DNAH5: variants seen among roughly 807,000 people sequenced by gnomAD.
DNAH5 encodes axonemal beta dynein heavy chain 5.
Under a neutral mutation model 518.2 loss-of-function variants are expected in DNAH5, and 372 were observed. The observed-to-expected ratio is 0.72, with a 90% CI of 0.66 to 0.78. The LOEUF is 0.78. DNAH5 is among the 30% of genes least tolerant of loss of function. The pLI, the probability that DNAH5 is intolerant of heterozygous loss-of-function variation, is 0.00. For synonymous variants in DNAH5, 2,039 were observed against 2,025.9 expected (o/e 1.01, Z -0.17); for missense variants, 5,523 against 5,687.0 (o/e 0.97, Z 0.93).
chr5:13,938,467 A>T (rs1823046), intron 1 of DNAH5, among the ~76,000 whole-genome samples: 1 of 151,362 alleles, frequency 6.6e-6, no homozygotes, highest in East Asian at 1.9e-4. Flanking sequence ...TTTTATTATT[A>T]TTGTTGTTGT....
rs527760355 is a variant in DNAH5 at position 13,839,095 on chromosome 5, T to C, written c.5882+261A>G. Among the ~76,000 whole-genome samples, 4 of 152,320 alleles carry C rather than the reference T, an allele frequency of 2.6e-5. No homozygotes were observed. The South Asian group carries it at 8.3e-4, about 32-fold the overall frequency. ...TGACAACACACAAAAATTAATTCCCTTTCTTGCCCATTCTCTGTCCACACA... is the reference window on the plus strand; with the variant it reads ...TGACAACACACAAAAATTAATTCCCCTTCTTGCCCATTCTCTGTCCACACA... On this transcript the variant is annotated intron_variant, in intron 35 of 78. Coordinates refer to ENST00000265104, the MANE Select transcript of DNAH5 (RefSeq NM_001369.3).
At chr5:13,980,986 C>A (rs984825599) in intron 1 of DNAH5, among the ~76,000 whole-genome samples, 1 of 152,224 alleles carries the variant, frequency 6.6e-6, no homozygotes, top group African/African-American at 2.4e-5. Flanking sequence ...TGCTCAAATG[C>A]TCCCTTACCA....
At chr5:13,813,457 G>GAAAA (rs374318289) in intron 43 of DNAH5, among the ~76,000 whole-genome samples, 4 of 136,760 alleles carry the variant, frequency 2.9e-5, no homozygotes, top group Non-Finnish European at 4.7e-5. Context: ...GCACTTAAAA[G>GAAAA]AAAAAAAAAA....
At chr5:13,758,232 C>G (rs567789712) in intron 61 of DNAH5, among the ~76,000 whole-genome samples, 1 of 152,226 alleles carries the variant, frequency 6.6e-6, no homozygotes, top group South Asian at 2.1e-4. Context: ...ACTAGGGTGC[C>G]TTGGCTCACA....
chr5:13,819,536 T>A lies in DNAH5; in HGVS notation c.6841+810A>T, dbSNP rs1049069556. ...GCCTGAAAGCCCACCCAGGTACCTC[T>A]TTGCTGGATGGGCTTTCAGTCAGCT... On this transcript the variant is annotated intron_variant, in intron 41 of 78. Transcript: ENST00000265104. 9.2e-5 allele frequency among the ~76,000 whole-genome samples: 14 copies of A among 152,162 alleles called. No homozygotes were observed. The East Asian group carries it at 2.7e-3, about 30-fold the overall frequency.
rs1554018591 is a variant in DNAH5, at chr5:13,713,107, G to GTATA, written c.13125+1294_13125+1297dup. On this transcript the variant is annotated intron_variant, in intron 75 of 78. Coordinates refer to ENST00000265104, the MANE Select transcript of DNAH5 (RefSeq NM_001369.3). ...TATAAAGAAACTGTGGTGTGTGTGT[G>GTATA]TATATATATATATATATACACACAC... is the stretch of plus-strand genomic sequence containing the variant. Among the ~76,000 whole-genome samples the GTATA allele has an allele frequency of 3.7e-4, 52 of 139,944 alleles. 1 individual carries two copies. The highest frequency in any genetic ancestry group is 2.3e-3 in the East Asian group (11 of 4,790). The allele number at this position is 139,944 out of a possible 152,430, so 91.8% of individuals were successfully genotyped here.
chr5:13,894,278 C>T (rs2151952960), intron 16 of DNAH5, among the ~76,000 whole-genome samples: 2 of 152,134 alleles, frequency 1.3e-5, no homozygotes, highest in South Asian at 4.2e-4. Context: ...TAAATTTTTC[C>T]CATTTATCCT....
intron 1 of DNAH5, among the ~76,000 whole-genome samples, chr5:14,011,204 A>G (rs889566818): frequency 3.3e-5 from 5 of 152,200 alleles, no homozygotes; most frequent in African/African-American, 9.7e-5. Context: ...CCAAGGGCTA[A>G]TGAGAGCTGG....
intron 65 of DNAH5, among the ~76,000 whole-genome samples, chr5:13,742,795 A>G (rs1351772576): frequency 1.3e-5 from 2 of 152,238 alleles, no homozygotes; most frequent in East Asian, 3.9e-4. Context: ...AATAAAATAT[A>G]CTAAGTAAAC....
intron 21 of DNAH5, among the ~76,000 whole-genome samples, chr5:13,880,823 C>A (rs12519461): frequency 0.19 from 28,147 of 151,766 alleles, 2,937 homozygotes; most frequent in Middle Eastern, 0.28. Context: ...TAAGTCTGTA[C>A]CTATCAACAA....
At chr5:13,699,613 C>T (rs1741816641) in intron 78 of DNAH5, among the ~76,000 whole-genome samples, 1 of 152,160 alleles carries the variant, frequency 6.6e-6, no homozygotes, top group Admixed American at 6.5e-5. Context: ...ACTCAGGAGG[C>T]TGAGGCAGGA....
intron 65 of DNAH5, among the ~76,000 whole-genome samples, chr5:13,740,142 T>C (rs535437558): frequency 6.6e-6 from 1 of 152,230 alleles, no homozygotes; most frequent in African/African-American, 2.4e-5. Flanking sequence ...AACAAATTCA[T>C]TGGCAAGTTC....
At chr5:13,773,883 T>C (rs546132882) in intron 55 of DNAH5, among the ~76,000 whole-genome samples, 1 of 146,790 alleles carries the variant, frequency 6.8e-6, no homozygotes, top group Non-Finnish European at 1.5e-5. Context: ...TGGGGAGAAA[T>C]AGGAGGAGGA....
rs755924255 is a variant in DNAH5 at position 13,883,016 on chromosome 5, A to G, written c.3062T>C (p.Ile1021Thr). Residue 1021 changes from isoleucine (I) to threonine (T), a missense_variant, in exon 20 of 79, where the codon ATC becomes ACC. Around this residue, in one of 3 missense-constraint regions of DNAH5, gnomAD observed 5,121 missense variants for 5,223.3 expected, o/e 0.98. Coordinates refer to ENST00000265104, the MANE Select transcript of DNAH5 (RefSeq NM_001369.3). ...RASVTLAIPN[I>T]VMAPALEDVQ... ...ATCTTCCAGGGCAGGGGCCATGACG[A>G]TGTTGGGAATGGCCAGAGTGACGCT... 3.7e-6 allele frequency: 6 copies of G among 1,614,182 alleles called. No homozygotes were observed.
intron 53 of DNAH5, among the ~76,000 whole-genome samples, chr5:13,778,221 T>C (rs1028313509): frequency 2.0e-5 from 3 of 152,108 alleles, no homozygotes; most frequent in South Asian, 2.1e-4. Flanking sequence ...ATCACAACTA[T>C]GCATCAATAC....
intron 78 of DNAH5, among the ~76,000 whole-genome samples, chr5:13,699,747 AAATTATTTTATCCCTTTACTTGT>A (rs1741838915): frequency 6.6e-6 from 1 of 152,160 alleles, no homozygotes; most frequent in Non-Finnish European, 1.5e-5. Flanking sequence ...TGTAGTTCAT[AAATTATTTTATCCCTTTACTTGT>A]TAGAATCTTT....
chr5:13,702,374 A>G (rs1742228127), intron 76 of DNAH5, among the ~76,000 whole-genome samples: 1 of 152,216 alleles, frequency 6.6e-6, no homozygotes, highest in Admixed American at 6.5e-5. Context: ...AATGATCATA[A>G]TTTAAGAATT....
intron 4 of DNAH5, 122 bp from the exon 5 acceptor site, chr5:13,922,450 G>C (rs1777413374): frequency 1.7e-5 from 18 of 1,059,810 alleles, no homozygotes; most frequent in Non-Finnish European, 2.4e-5. Context: ...GTTTGTGCCA[G>C]GTGTGGTGGC....
rs768141871 is a variant in DNAH5, at chr5:13,786,249, T to C, written c.8750A>G (p.Tyr2917Cys). ...GCCGGCGCCACGGATGCTCTCATTA[T>C]AGAGCTGCAGGAACATATTCAGACG... ...KERLNMFLQL[Y>C]NESIRGAGMD... The change falls in exon 52 of 79, where the codon TAT (tyrosine) becomes TGT (cysteine). Residue 2917 changes from tyrosine (Y) to cysteine (C), a missense_variant. Physicochemically the swap from Tyr to Cys is radical, Grantham distance 194. Around this residue, in one of 3 missense-constraint regions of DNAH5, gnomAD observed 5,121 missense variants for 5,223.3 expected, o/e 0.98. Coordinates refer to ENST00000265104, the MANE Select transcript of DNAH5 (RefSeq NM_001369.3). 5.3e-5 allele frequency: 85 copies of C among 1,613,984 alleles called. No individual in the cohort carries two copies. Among genetic ancestry groups the C allele is most frequent in the Middle Eastern group, 1.6e-4 (1 of 6,082 alleles).
Sources: allele counts gnomAD v4.1 joint callset (sites outside exome capture counted in the v4.1 genomes callset), GRCh38; gene constraint gnomAD v4.1.1; regional missense constraint gnomAD v4.1.1; transcripts MANE v1.5; gene names NCBI Gene and HGNC (gene_info 2026-07-23, HGNC 2026-07-21).